Variants in GPAT3 observed in about 807,000 individuals in gnomAD.
The protein encoded by GPAT3 is 1-AGP acyltransferase 9.
A neutral mutation model predicts 58.8 loss-of-function variants in GPAT3; 53 were observed. The observed-to-expected ratio is 0.90, with a 90% confidence interval of 0.72 to 1.13. The LOEUF is 1.13. GPAT3 is among the 50% of genes most tolerant of loss of function. The pLI, the probability that GPAT3 is intolerant of heterozygous loss-of-function variation, is 0.00. For missense variants in GPAT3, 511 were observed against 527.6 expected, an observed-to-expected ratio of 0.97 and a Z score of 0.31; for synonymous variants, 197 against 187.4, an observed-to-expected ratio of 1.05 and a Z score of -0.42.
intron 1 of GPAT3, among the ~76,000 whole-genome samples, chr4:83,543,931 C>T (rs995131824): frequency 3.9e-5 from 6 of 152,078 alleles, no homozygotes; most frequent in African/African-American, 1.2e-4. Context: ...ATGAGCCAAT[C>T]GTGCCTTAGT....
Position 83,579,086 on chromosome 4 carries a change from CCTT to C in GPAT3, c.209-2474_209-2472del, listed in dbSNP as rs1199976618. Among the ~76,000 whole-genome samples the C allele has an allele frequency of 7.0e-4, 41 of 58,356 alleles. 1 individual carries two copies. Among genetic ancestry groups the C allele is most frequent in the Non-Finnish European group, 1.3e-3 (33 of 24,682 alleles). The allele number at this position is 58,356 out of a possible 152,430, so 38.3% of individuals were successfully genotyped here. On this transcript the variant is annotated intron_variant, in intron 2 of 11. Coordinates refer to ENST00000264409, the MANE Select transcript of GPAT3 (RefSeq NM_032717.5). ...TCTTTCTTTCTTTCTTTCTTCCCTT[CCTT>C]CCTTCCTTCCTTCCTTCCTTCCTTC...
intron 2 of GPAT3, among the ~76,000 whole-genome samples, chr4:83,572,208 A>T (rs2110089647): frequency 6.6e-6 from 1 of 152,214 alleles, no homozygotes; most frequent in Non-Finnish European, 1.5e-5. Flanking sequence ...AGTTAGCTCA[A>T]CCCTTTTCTC....
intron 2 of GPAT3, among the ~76,000 whole-genome samples, chr4:83,567,444 T>G (rs1156798117): frequency 6.6e-6 from 1 of 152,234 alleles, no homozygotes; most frequent in Non-Finnish European, 1.5e-5. Context: ...ATTAATAACT[T>G]TAAAAATATT....
intron 1 of GPAT3, among the ~76,000 whole-genome samples, chr4:83,543,145 C>G (rs534626086): frequency 5.3e-5 from 8 of 151,942 alleles, no homozygotes; most frequent in Non-Finnish European, 1.2e-4. Flanking sequence ...ACAAAAAATA[C>G]AAAAATTAGC....
At position 83,536,515 on chromosome 4, in the gene GPAT3, G is replaced by A; in HGVS notation, c.-108G>A. On this transcript the variant is annotated 5_prime_UTR_variant, in exon 1 of 12. Transcript: ENST00000264409. ...TCTTCCCTTCGCAGAGGTGAGTGCC[G>A]GGCTCGGCGCTCTGCTCCTGGAGCT... The A allele has an allele frequency of 6.6e-7, 1 of 1,510,718 alleles. No homozygotes were observed. 93.6% of individuals were successfully genotyped at this position (1,510,718 alleles called of 1,614,324 possible). A position where few individuals can be genotyped will look rare whatever the true frequency, so the allele number is the denominator to read the frequency against.
chr4:83,547,020 T>C (rs972525314), intron 2 of GPAT3, among the ~76,000 whole-genome samples: 2 of 152,016 alleles, frequency 1.3e-5, no homozygotes, highest in African/African-American at 4.8e-5. Context: ...AGGGTGATGA[T>C]GAAACATTGA....
intron 2 of GPAT3, among the ~76,000 whole-genome samples, chr4:83,547,487 T>G (rs372948931): frequency 6.6e-6 from 1 of 151,538 alleles, no homozygotes; most frequent in Non-Finnish European, 1.5e-5. Context: ...CTCCTGACCT[T>G]GTGATCTGCC....
At chr4:83,603,123 A>G (rs1261180396) in intron 11 of GPAT3, among the ~76,000 whole-genome samples, 1 of 152,238 alleles carries the variant, frequency 6.6e-6, no homozygotes, top group Non-Finnish European at 1.5e-5. Flanking sequence ...GTAAACATGC[A>G]TGCTTAACTG....
intron 2 of GPAT3, among the ~76,000 whole-genome samples, chr4:83,562,184 T>TATATATATATATA: frequency 2.0e-5 from 1 of 50,352 alleles, no homozygotes; most frequent in African/African-American, 1.6e-4. Flanking sequence ...ATATATTATA[T>TATATATATATATA]ATATATATAT....
At chr4:83,557,658 A>T (rs574872986) in intron 2 of GPAT3, among the ~76,000 whole-genome samples, 8 of 152,204 alleles carry the variant, frequency 5.3e-5, no homozygotes, top group Admixed American at 1.3e-4. Context: ...CATGCAATCC[A>T]GCAGACAGCT....
chr4:83,553,832 G>A (rs537189225), intron 2 of GPAT3, among the ~76,000 whole-genome samples: 17 of 151,878 alleles, frequency 1.1e-4, no homozygotes, highest in East Asian at 3.9e-4. Context: ...AGCTGAGATC[G>A]CACCACTGCA....
intron 2 of GPAT3, among the ~76,000 whole-genome samples, chr4:83,567,111 G>C (rs950694538): frequency 6.6e-6 from 1 of 151,930 alleles, no homozygotes; most frequent in Non-Finnish European, 1.5e-5. Flanking sequence ...ATTCAACTTT[G>C]GTTTGCATTT....
At chr4:83,581,446 C>T in intron 2 of GPAT3, 116 bp from the exon 3 acceptor site, 1 of 1,098,948 alleles carries the variant, frequency 9.1e-7, no homozygotes, top group Non-Finnish European at 1.3e-6. Flanking sequence ...GCTGATGTCA[C>T]CCATTAAACT....
chr4:83,565,192 C>T (rs1414264366), intron 2 of GPAT3, among the ~76,000 whole-genome samples: 7 of 152,026 alleles, frequency 4.6e-5, no homozygotes, highest in Admixed American at 3.9e-4. Context: ...CCTCTGCCTC[C>T]TGGGTTCAAG....
At chr4:83,603,312 A>G (rs1478807931) in intron 11 of GPAT3, among the ~76,000 whole-genome samples, 1 of 152,232 alleles carries the variant, frequency 6.6e-6, no homozygotes, top group African/African-American at 2.4e-5. Flanking sequence ...AAAAGCATGC[A>G]GAGTTCTTAT....
Position 83,596,951 on chromosome 4 carries a change from C to T in GPAT3, c.910+38C>T, listed in dbSNP as rs761929151. The T allele has an allele frequency of 5.1e-6, 8 of 1,555,438 alleles. No individual in the cohort carries two copies. In the Admixed American group the frequency reaches 1.4e-4, roughly 27 times the overall value. On this transcript the variant is annotated intron_variant, in intron 8 of 11. Transcript: ENST00000264409. ...CTGCCTCCCGAGCTATAGTTGATAA[C>T]AACAAACCATCAAAAGTGTGTGAGG...
chr4:83,575,189 T>G (rs1725761699), intron 2 of GPAT3, among the ~76,000 whole-genome samples: 1 of 152,046 alleles, frequency 6.6e-6, no homozygotes. Flanking sequence ...GGACATTTCT[T>G]GATGCCAAAA....
chr4:83,543,798 G>C (rs1724400044), intron 1 of GPAT3, among the ~76,000 whole-genome samples: 1 of 152,024 alleles, frequency 6.6e-6, no homozygotes, highest in African/African-American at 2.4e-5. Flanking sequence ...GCGTCACCAT[G>C]CCTGGCTAAT....
chr4:83,581,272 T>C (rs1451396801), intron 2 of GPAT3, among the ~76,000 whole-genome samples: 1 of 151,944 alleles, frequency 6.6e-6, no homozygotes, highest in Admixed American at 6.6e-5. Flanking sequence ...GTGAGTTCTT[T>C]GTCTAATGGT....
Sources: allele counts gnomAD v4.1 joint callset (sites outside exome capture counted in the v4.1 genomes callset), GRCh38; gene constraint gnomAD v4.1.1; transcripts MANE v1.5; gene names NCBI Gene and HGNC (gene_info 2026-07-23, HGNC 2026-07-21).